TANC1: variants seen among roughly 807,000 people sequenced by gnomAD.
The protein encoded by TANC1 is tetratricopeptide repeat, ankyrin repeat and coiled-coil containing 1.
A neutral mutation model predicts 149.7 loss-of-function variants in TANC1; 77 were observed. That is an observed-to-expected ratio of 0.51 (90% CI 0.43 to 0.62). The LOEUF (loss-of-function observed/expected upper bound fraction) is 0.62. Among genes scored for constraint, TANC1 ranks in the 20% least tolerant of loss-of-function variants. The probability of loss-of-function intolerance (pLI) is 0.00; values close to 1 mark genes in which losing one functional copy is unlikely to be tolerated. For missense variants in TANC1, 1,985 were observed against 2,321.8 expected (o/e 0.85, Z 2.98); for synonymous variants, 854 against 925.0 (o/e 0.92, Z 1.39).
At chr2:159,034,698 C>T (rs2040042912) in intron 2 of TANC1, among the ~76,000 whole-genome samples, 1 of 152,144 alleles carries the variant, frequency 6.6e-6, no homozygotes, top group Admixed American at 6.5e-5. Flanking sequence ...AGGACAGATC[C>T]CCATGAAGTT....
At chr2:159,110,585 G>C (rs73969443) in intron 4 of TANC1, among the ~76,000 whole-genome samples, 27,303 of 152,284 alleles carry the variant, frequency 0.18, 2,548 homozygotes, top group Middle Eastern at 0.25. Context: ...AAAGTGCTGG[G>C]ATTACAGGTG....
At chr2:159,152,682 C>T (rs1389193401) in intron 7 of TANC1, among the ~76,000 whole-genome samples, 1 of 152,094 alleles carries the variant, frequency 6.6e-6, no homozygotes, top group East Asian at 1.9e-4. Flanking sequence ...ACATATTTCA[C>T]TGTGTTACCC....
chr2:159,025,179 T>TTTC (rs1559144279), intron 2 of TANC1, among the ~76,000 whole-genome samples: 67 of 105,984 alleles, frequency 6.3e-4, no homozygotes, highest in African/African-American at 1.5e-3. Context: ...TCTTTCTTTC[T>TTTC]TTTTCTTTCT....
chr2:159,105,872 T>C (rs879027618), intron 4 of TANC1, among the ~76,000 whole-genome samples: 9 of 152,192 alleles, frequency 5.9e-5, no homozygotes, highest in African/African-American at 1.9e-4. Context: ...CTTTTGGAAA[T>C]TCTTTGTGAT....
At chr2:159,152,764 A>C (rs2052988881) in intron 7 of TANC1, among the ~76,000 whole-genome samples, 1 of 152,212 alleles carries the variant, frequency 6.6e-6, no homozygotes, top group Non-Finnish European at 1.5e-5. Flanking sequence ...GATTACAGGC[A>C]TGAGCCGCTG....
chr2:159,224,109 A>G, intron 22 of TANC1, 123 bp from the exon 23 acceptor site: 1 of 1,074,260 alleles, frequency 9.3e-7, no homozygotes, highest in East Asian at 2.4e-5. Flanking sequence ...TTTCTAGTCT[A>G]GGATCCTTAA....
chr2:159,038,534 CTAATT>C (rs2040384771), intron 2 of TANC1, among the ~76,000 whole-genome samples: 1 of 152,108 alleles, frequency 6.6e-6, no homozygotes, highest in Non-Finnish European at 1.5e-5. Context: ...CCATCAATAC[CTAATT>C]TATTGAGAGT....
chr2:159,118,396 A>G (rs1294025362), intron 4 of TANC1, among the ~76,000 whole-genome samples: 4 of 152,042 alleles, frequency 2.6e-5, no homozygotes, highest in Non-Finnish European at 5.9e-5. Context: ...TCTGCATAGG[A>G]GATTTGTCTT....
In TANC1 at chr2:158,968,699, C is replaced by G. The variant is rs1265073991; in HGVS notation, c.-209C>G. The G allele has an allele frequency of 6.6e-6, 1 of 152,212 alleles. No homozygotes were observed. The highest frequency in any genetic ancestry group is 1.9e-4 in the East Asian group (1 of 5,144). 9.4% of individuals were successfully genotyped at this position (152,212 alleles called of 1,614,324 possible). On this transcript the variant is annotated 5_prime_UTR_variant, in exon 1 of 27. Transcript: ENST00000263635. ...CCTCGGGAGCCGGAGGAGAGGCAGC[C>G]GCGGAGCGCCGAGCTGGCCTCGCCC...
intron 5 of TANC1, among the ~76,000 whole-genome samples, chr2:159,141,826 A>T (rs549263047): frequency 6.6e-6 from 1 of 152,192 alleles, no homozygotes; most frequent in Non-Finnish European, 1.5e-5. Flanking sequence ...GGGACAGGAA[A>T]AGACCACACA....
chr2:159,199,512 C>T (rs1207694483), intron 19 of TANC1, among the ~76,000 whole-genome samples: 3 of 152,164 alleles, frequency 2.0e-5, no homozygotes, highest in East Asian at 1.9e-4. Flanking sequence ...AACTCAGCCT[C>T]GTGGGGTTTA....
intron 6 of TANC1, 91 bp from the exon 7 acceptor site, chr2:159,150,279 C>G: frequency 9.6e-7 from 1 of 1,045,176 alleles, no homozygotes; most frequent in Non-Finnish European, 1.4e-6. Flanking sequence ...TTTTCCTGTT[C>G]TTAGTTTTAT....
Position 159,069,952 on chromosome 2 carries a change from G to T in TANC1, c.61+3981G>T, listed in dbSNP as rs527626921. 8.9e-4 allele frequency among the ~76,000 whole-genome samples: 135 copies of T among 151,178 alleles called. 1 individual carries two copies. The highest frequency in any genetic ancestry group is 5.2e-3 in the South Asian group (25 of 4,764). ...TTTGTGGGGTTTTGTTGCTGTTGTT[G>T]TTTTTTTTAATAGAGATGGGGTTTC... On this transcript the variant is annotated intron_variant, in intron 3 of 26. Coordinates refer to ENST00000263635, the MANE Select transcript of TANC1 (RefSeq NM_033394.3).
At chr2:159,059,816 C>G (rs2042098341) in intron 2 of TANC1, among the ~76,000 whole-genome samples, 1 of 150,924 alleles carries the variant, frequency 6.6e-6, no homozygotes, top group African/African-American at 2.4e-5. Context: ...CTCTTGCTTT[C>G]AGGAAATTTC....
At chr2:158,995,522 G>A (rs918856719) in intron 1 of TANC1, among the ~76,000 whole-genome samples, 2 of 152,128 alleles carry the variant, frequency 1.3e-5, no homozygotes, top group African/African-American at 2.4e-5. Flanking sequence ...CACATTACCC[G>A]AGGGCGGGAC....
At chr2:159,069,889 C>G (rs1407035360) in intron 3 of TANC1, among the ~76,000 whole-genome samples, 1 of 151,518 alleles carries the variant, frequency 6.6e-6, no homozygotes, top group Non-Finnish European at 1.5e-5. Flanking sequence ...CCACCTCAGC[C>G]TCCTGAGTAG....
chr2:158,988,431 G>T (rs569523070), intron 1 of TANC1, among the ~76,000 whole-genome samples: 1 of 151,744 alleles, frequency 6.6e-6, no homozygotes, highest in Non-Finnish European at 1.5e-5. Flanking sequence ...TTTCTCTCCC[G>T]GGAGCAAGAT....
At chr2:159,134,958 C>T (rs901602156) in intron 4 of TANC1, among the ~76,000 whole-genome samples, 6 of 152,254 alleles carry the variant, frequency 3.9e-5, no homozygotes, top group African/African-American at 1.4e-4. Context: ...GTATAATACA[C>T]ATCCATACAG....
At chr2:158,976,464 G>A (rs1165343370) in intron 1 of TANC1, among the ~76,000 whole-genome samples, 1 of 151,986 alleles carries the variant, frequency 6.6e-6, no homozygotes, top group African/African-American at 2.4e-5. Flanking sequence ...ATGGGCGAGT[G>A]GTTTAAAAAG....
Sources: gnomAD v4.1 joint callset for allele counts (sites outside exome capture counted in the v4.1 genomes callset) on GRCh38, gnomAD v4.1.1 for gene constraint, MANE v1.5 for transcripts, NCBI Gene and HGNC (gene_info 2026-07-23, HGNC 2026-07-21) for gene names.